The following MAST2 variants were observed in gnomAD, a reference collection of about 807,000 sequenced individuals.
MAST2 encodes the protein microtubule associated serine/threonine kinase 2.
Under a neutral mutation model 147.4 loss-of-function variants are expected in MAST2, and 70 were observed. That is an observed-to-expected ratio of 0.47 (90% CI 0.39 to 0.58). MAST2 has a LOEUF of 0.58. Ranked by LOEUF, MAST2 falls within the 20% of genes least tolerant of loss-of-function variation. The pLI, the probability that MAST2 is intolerant of heterozygous loss-of-function variation, is 0.00. For missense variants in MAST2, 2,080 were observed against 2,302.3 expected, an observed-to-expected ratio of 0.90 and a Z score of 1.98; for synonymous variants, 869 against 896.8, an observed-to-expected ratio of 0.97 and a Z score of 0.55.
intron 3 of MAST2, among the ~76,000 whole-genome samples, chr1:45,874,806 A>G (rs1375444121): frequency 6.6e-6 from 1 of 152,220 alleles, no homozygotes; most frequent in Admixed American, 6.5e-5. Flanking sequence ...TAACCAGTGA[A>G]GTAGGTATGA....
intron 3 of MAST2, among the ~76,000 whole-genome samples, chr1:45,849,711 A>G (rs1271581112): frequency 6.6e-6 from 1 of 152,128 alleles, no homozygotes; most frequent in Non-Finnish European, 1.5e-5. Context: ...TATTTTTAGT[A>G]GAGATGGGGT....
chr1:45,883,770 T>A (rs1276557450), intron 4 of MAST2, among the ~76,000 whole-genome samples: 3 of 152,146 alleles, frequency 2.0e-5, no homozygotes, highest in Non-Finnish European at 4.4e-5. Context: ...ACAAGTGTCC[T>A]GAGTCTTCTG....
At chr1:45,841,832 A>G (rs1385402301) in intron 3 of MAST2, among the ~76,000 whole-genome samples, 3 of 152,156 alleles carry the variant, frequency 2.0e-5, no homozygotes, top group African/African-American at 4.8e-5. Flanking sequence ...GGTAATTTGG[A>G]CCATATTAGT....
chr1:46,020,928 C>A (rs192138276), intron 11 of MAST2, among the ~76,000 whole-genome samples: 17 of 152,292 alleles, frequency 1.1e-4, no homozygotes, highest in Non-Finnish European at 1.9e-4. Context: ...AGAAAGATTA[C>A]TTTGGCTGCA....
At chr1:45,989,505 C>G (rs1297517456) in intron 5 of MAST2, among the ~76,000 whole-genome samples, 2 of 152,122 alleles carry the variant, frequency 1.3e-5, no homozygotes, top group Non-Finnish European at 2.9e-5. Context: ...CAGTTAGATT[C>G]TCTTGTCATA....
At chr1:46,004,104 C>T (rs1645385415) in intron 7 of MAST2, among the ~76,000 whole-genome samples, 3 of 152,120 alleles carry the variant, frequency 2.0e-5, no homozygotes, top group Admixed American at 2.0e-4. Flanking sequence ...GTGGCTCACA[C>T]CTGTAATCCT....
chr1:45,911,614 G>A (rs1651663712), intron 4 of MAST2, among the ~76,000 whole-genome samples: 1 of 151,934 alleles, frequency 6.6e-6, no homozygotes, highest in South Asian at 2.1e-4. Context: ...TAGGTAACCA[G>A]GTGCCAACAT....
chr1:46,017,215 A>T (rs1240628488), intron 10 of MAST2, among the ~76,000 whole-genome samples: 1 of 152,218 alleles, frequency 6.6e-6, no homozygotes, highest in Non-Finnish European at 1.5e-5. Flanking sequence ...CTAAAACCAT[A>T]AAAACCCTAG....
chr1:45,984,553 C>T (rs1033649395), intron 5 of MAST2, among the ~76,000 whole-genome samples: 6 of 152,106 alleles, frequency 3.9e-5, no homozygotes, highest in Non-Finnish European at 8.8e-5. Flanking sequence ...AAGTGATCCT[C>T]CTGCCTCATC....
chr1:45,817,407 C>T (rs1557799438), intron 1 of MAST2, among the ~76,000 whole-genome samples: 1 of 152,028 alleles, frequency 6.6e-6, no homozygotes. Flanking sequence ...CCTTACAGGC[C>T]AAGAGAGAGA....
At chr1:46,020,405 G>C (rs981244285) in intron 11 of MAST2, among the ~76,000 whole-genome samples, 2 of 152,190 alleles carry the variant, frequency 1.3e-5, no homozygotes, top group Admixed American at 1.3e-4. Flanking sequence ...AAGGTAGGCT[G>C]TGACAGGGTC....
intron 12 of MAST2, 85 bp from the exon 13 acceptor site, chr1:46,022,825 A>G: frequency 2.1e-6 from 2 of 974,202 alleles, no homozygotes; most frequent in Admixed American, 3.4e-5. Context: ...TGACTACCCT[A>G]CATGCACCTG....
At chr1:46,034,332 T>C (rs1258544716) in intron 28 of MAST2, 66 bp downstream of exon 28, 1 of 1,503,598 alleles carries the variant, frequency 6.7e-7, no homozygotes, top group Non-Finnish European at 8.9e-7. Context: ...AGGCCCTGTG[T>C]GCTTCTGACA....
At position 46,023,446 on chromosome 1, in the gene MAST2, G is replaced by A. The variant is rs1646272457; in HGVS notation, c.1571+128G>A. The A allele has an allele frequency of 1.4e-5, 12 of 836,870 alleles. No individual in the cohort carries two copies. In the Admixed American group the frequency reaches 2.7e-4, roughly 19 times the overall value. The allele number at this position is 836,870 out of a possible 1,614,324, so 51.8% of individuals were successfully genotyped here. ...GGGGTGGACCTTCTCACTCCCAGAA[G>A]CCTCCTGGGTGGGCAGGAGTTCAGA... On this transcript the variant is annotated intron_variant, in intron 14 of 28. Transcript: ENST00000361297. The surrounding 1 kb of genome is among the most constrained non-coding windows in gnomAD (Gnocchi z 4.9).
chr1:45,837,016 T>C (rs1645123125), intron 3 of MAST2, among the ~76,000 whole-genome samples: 1 of 152,098 alleles, frequency 6.6e-6, no homozygotes, highest in Admixed American at 6.6e-5. Flanking sequence ...CACAATAGGG[T>C]TCATGCCCCT....
chr1:46,012,572 A>G (rs1645758578), intron 10 of MAST2, among the ~76,000 whole-genome samples: 1 of 152,188 alleles, frequency 6.6e-6, no homozygotes, highest in Non-Finnish European at 1.5e-5. Context: ...ACTGCAATAC[A>G]ATGTGATTGA....
intron 4 of MAST2, among the ~76,000 whole-genome samples, chr1:45,924,621 T>C (rs1369486933): frequency 6.6e-6 from 1 of 152,148 alleles, no homozygotes; most frequent in Non-Finnish European, 1.5e-5. Flanking sequence ...GTCTTTTTTA[T>C]CTCTCTTTTT....
At chr1:45,973,095 A>G (rs993259151) in intron 5 of MAST2, among the ~76,000 whole-genome samples, 3 of 152,268 alleles carry the variant, frequency 2.0e-5, no homozygotes, top group East Asian at 3.9e-4. Flanking sequence ...TTGCAATTGT[A>G]AAAATTTTAG....
At chr1:46,033,730 G>C in intron 26 of MAST2, 72 bp from the exon 27 acceptor site, 1 of 1,576,542 alleles carries the variant, frequency 6.3e-7, no homozygotes, top group Non-Finnish European at 8.7e-7. Context: ...ATGCCAGAAG[G>C]GAAGGATTGG....
Sources: allele counts gnomAD v4.1 joint callset (sites outside exome capture counted in the v4.1 genomes callset), GRCh38; gene constraint gnomAD v4.1.1; non-coding constraint Gnocchi (gnomAD v3.1); transcripts MANE v1.5; gene names NCBI Gene and HGNC (gene_info 2026-07-23, HGNC 2026-07-21).